Variants in ENPP6 observed in about 807,000 individuals in gnomAD.
The protein encoded by ENPP6 is glycerophosphocholine cholinephosphodiesterase ENPP6.
In ENPP6, 32 loss-of-function variants were observed where a neutral mutation model predicts 42.0. That is an observed-to-expected ratio of 0.76 (90% CI 0.58 to 1.02). The LOEUF is 1.02. Ranked by LOEUF, ENPP6 falls within the 50% of genes least tolerant of loss-of-function variation. The pLI is 0.00. For synonymous variants in ENPP6, 213 were observed against 216.0 expected, an observed-to-expected ratio of 0.99 and a Z score of 0.12; for missense variants, 552 against 566.8, an observed-to-expected ratio of 0.97 and a Z score of 0.27.
At chr4:184,161,070 C>T (rs889993478) in intron 1 of ENPP6, among the ~76,000 whole-genome samples, 5 of 152,098 alleles carry the variant, frequency 3.3e-5, no homozygotes, top group African/African-American at 1.2e-4. Flanking sequence ...AACTAAAAAG[C>T]TTCTGCACAG....
chr4:184,121,970 C>T (rs1397328073), intron 3 of ENPP6, among the ~76,000 whole-genome samples: 2 of 152,204 alleles, frequency 1.3e-5, no homozygotes, highest in East Asian at 3.9e-4. Context: ...CCCAAGTCAT[C>T]TCACTGTCTT....
intron 5 of ENPP6, among the ~76,000 whole-genome samples, chr4:184,114,442 C>T (rs866667620): frequency 1.1e-4 from 16 of 152,302 alleles, no homozygotes; most frequent in Middle Eastern, 3.4e-3. Context: ...TGGTTTCTGA[C>T]GGCTCCTGAG....
At chr4:184,114,146 A>G (rs186028522) in intron 5 of ENPP6, among the ~76,000 whole-genome samples, 470 of 152,106 alleles carry the variant, frequency 3.1e-3, no homozygotes, top group Non-Finnish European at 5.9e-3. Context: ...TTGTATTTTT[A>G]GTAAAGACGG....
At chr4:184,133,575 C>T (rs1285039731) in intron 2 of ENPP6, among the ~76,000 whole-genome samples, 1 of 151,874 alleles carries the variant, frequency 6.6e-6, no homozygotes, top group African/African-American at 2.4e-5. Flanking sequence ...TTGTTTTATC[C>T]CTGTCATCTT....
chr4:184,212,083 T>A (rs375659560), intron 1 of ENPP6, among the ~76,000 whole-genome samples: 80 of 150,552 alleles, frequency 5.3e-4, no homozygotes, highest in Middle Eastern at 3.4e-3. Flanking sequence ...TTGATGGGAC[T>A]TATTTCAAAA....
In ENPP6 at chr4:184,189,855, G is replaced by A. The variant is rs981099038; in HGVS notation, c.241+27724C>T. Among the ~76,000 whole-genome samples the A allele has an allele frequency of 6.0e-4, 92 of 152,160 alleles. 1 individual carries two copies. The highest frequency in any genetic ancestry group is 2.1e-3 in the African/African-American group (87 of 41,426). ...ATATCTCCAAGAGATGGAGAGGAGC[G>A]AGCCAGCCAGAGCCCAGGATCAGCA... is the stretch of plus-strand genomic sequence containing the variant. On this transcript the variant is annotated intron_variant, in intron 1 of 7. Coordinates refer to ENST00000296741, the MANE Select transcript of ENPP6 (RefSeq NM_153343.4).
intron 1 of ENPP6, among the ~76,000 whole-genome samples, chr4:184,161,470 G>A (rs1737255356): frequency 6.6e-6 from 1 of 152,150 alleles, no homozygotes; most frequent in Admixed American, 6.5e-5. Flanking sequence ...GGAAAAGTGT[G>A]GAGGTTCCTT....
chr4:184,192,130 C>T (rs1352825682), intron 1 of ENPP6, among the ~76,000 whole-genome samples: 1 of 152,046 alleles, frequency 6.6e-6, no homozygotes, highest in African/African-American at 2.4e-5. Context: ...CATGTTCTTC[C>T]CAAATTTAAT....
chr4:184,113,899 T>TTTTCTTTCTTTCTTTCTTTTCTTTTC (rs1736257534), intron 5 of ENPP6, among the ~76,000 whole-genome samples: 2 of 103,626 alleles, frequency 1.9e-5, no homozygotes, highest in African/African-American at 7.6e-5. Flanking sequence ...CCTTTCTTTC[T>TTTTCTTTCTTTCTTTCTTTTCTTTTC]TTTCTTTCTT....
Position 184,091,188 on chromosome 4 carries a change from G to C in ENPP6, c.1312C>G (p.Leu438Val). ...AGCAATATGATCAGTTATGCAAGCA[G>C]GAAGAGAAGAATCAGTGCCAGGGCA... is the stretch of plus-strand genomic sequence containing the variant. ...HCALALILLF[L>V]LA The change falls in exon 8 of 8, where the codon CTG becomes GTG. Residue 438 changes from leucine (L) to valine (V), a missense_variant. Physicochemically the swap from Leu to Val is conservative, Grantham distance 32 (BLOSUM62 1). Around this residue, in one of 2 missense-constraint regions of ENPP6, gnomAD observed 545 missense variants for 546.3 expected, o/e 1.00. Transcript: ENST00000296741. 6.4e-7 allele frequency: 1 copy of C among 1,559,572 alleles called. No homozygotes were observed. Among genetic ancestry groups the C allele is most frequent in the East Asian group, 2.3e-5 (1 of 44,062 alleles).
Position 184,107,742 on chromosome 4 carries a change from C to T in ENPP6, c.993+4930G>A, listed in dbSNP as rs1012556182. ...CATCCTGGTTAACACAGTGAAACCT[C>T]GTCTCTACTAAAAATACAAAAAATT... is the stretch of plus-strand genomic sequence containing the variant. On this transcript the variant is annotated intron_variant, in intron 6 of 7. Coordinates refer to ENST00000296741, the MANE Select transcript of ENPP6 (RefSeq NM_153343.4). Among the ~76,000 whole-genome samples the T allele has an allele frequency of 2.0e-5, 3 of 152,080 alleles. No homozygotes were observed. In the South Asian group the frequency reaches 6.2e-4, roughly 32 times the overall value.
At chr4:184,127,137 G>A (rs552176550) in intron 2 of ENPP6, among the ~76,000 whole-genome samples, 26 of 152,140 alleles carry the variant, frequency 1.7e-4, no homozygotes, top group East Asian at 3.9e-4. Context: ...TACAACATAC[G>A]TAAAAGTAAA....
rs116457742 is a variant in ENPP6, at chr4:184,206,202, G to A, written c.241+11377C>T. Among the ~76,000 whole-genome samples, 1,274 of 151,824 alleles carry A rather than the reference G, an allele frequency of 8.4e-3. 20 individuals are homozygous for A. The highest frequency in any genetic ancestry group is 0.029 in the African/African-American group (1,208 of 41,330). ...AGGGAGGCTGTCTCCACCCTACCTG[G>A]AGCTGTGCGTATGCAGAGTCTGTGA... On this transcript the variant is annotated intron_variant, in intron 1 of 7. Transcript: ENST00000296741.
chr4:184,123,050 G>A (rs1736444985), intron 3 of ENPP6, among the ~76,000 whole-genome samples: 1 of 152,178 alleles, frequency 6.6e-6, no homozygotes, highest in Non-Finnish European at 1.5e-5. Context: ...ACCTGTCAAT[G>A]AGAGCATGAA....
At chr4:184,175,212 T>C (rs13113379) in intron 1 of ENPP6, among the ~76,000 whole-genome samples, 128,733 of 152,010 alleles carry the variant, frequency 0.85, 55,805 homozygotes, top group East Asian at 1. Flanking sequence ...TCTTCTCTGG[T>C]AGAGGCCTCA....
intron 1 of ENPP6, among the ~76,000 whole-genome samples, chr4:184,197,426 A>G (rs1337927337): frequency 6.6e-6 from 1 of 152,268 alleles, no homozygotes; most frequent in African/African-American, 2.4e-5. Context: ...TCGAGAGCTC[A>G]GGCAAAAAGG....
At chr4:184,141,043 AG>A (rs1301762243) in intron 2 of ENPP6, among the ~76,000 whole-genome samples, 1 of 86,342 alleles carries the variant, frequency 1.2e-5, no homozygotes, top group African/African-American at 4.0e-5. Context: ...CAAATTTACA[AG>A]AAAAAACAAA....
At chr4:184,174,173 T>A (rs1737523858) in intron 1 of ENPP6, among the ~76,000 whole-genome samples, 5 of 149,572 alleles carry the variant, frequency 3.3e-5, no homozygotes, top group African/African-American at 1.2e-4. Context: ...AATCTCACTC[T>A]GTCACCGAGG....
intron 2 of ENPP6, among the ~76,000 whole-genome samples, chr4:184,141,632 G>A (rs924622052): frequency 2.6e-5 from 4 of 152,062 alleles, no homozygotes; most frequent in Admixed American, 2.0e-4. Flanking sequence ...TCTTATCTCT[G>A]TCTAGAGTCT....
Sources: allele counts gnomAD v4.1 joint callset (sites outside exome capture counted in the v4.1 genomes callset), GRCh38; gene constraint gnomAD v4.1.1; regional missense constraint gnomAD v4.1.1; transcripts MANE v1.5; gene names NCBI Gene and HGNC (gene_info 2026-07-23, HGNC 2026-07-21).